The following SDK1 variants were observed in gnomAD, a reference collection of about 807,000 sequenced individuals.
SDK1 encodes the protein sidekick cell adhesion molecule 1.
SDK1 carries 157 observed loss-of-function variants against 245.5 expected under a neutral mutation model. The observed-to-expected ratio is 0.64, with a 90% CI of 0.56 to 0.73. The LOEUF is 0.73. Among genes scored for constraint, SDK1 ranks in the 30% least tolerant of loss-of-function variants. The probability of loss-of-function intolerance (pLI) is 0.00; values close to 1 mark genes in which losing one functional copy is unlikely to be tolerated. For synonymous variants in SDK1, 1,647 were observed against 1,278.5 expected (o/e 1.29, Z -6.15); for missense variants, 3,583 against 3,002.3 (o/e 1.19, Z -4.52).
intron 13 of SDK1, among the ~76,000 whole-genome samples, chr7:3,975,625 T>C (rs1476201563): frequency 1.3e-5 from 2 of 152,214 alleles, no homozygotes; most frequent in Non-Finnish European, 2.9e-5. Flanking sequence ...CATGTGGAAA[T>C]GAGTGAACTC....
In SDK1 at chr7:3,462,651, T is replaced by C. The variant is rs376190105; in HGVS notation, c.299-156429T>C. Among the ~76,000 whole-genome samples, 25 of 152,284 alleles carry C rather than the reference T, an allele frequency of 1.6e-4. No individual in the cohort carries two copies. The South Asian group carries it at 5.0e-3, about 30-fold the overall frequency. ...CCTAGTCCAGCTGTACCATAAACTT[T>C]GATGCCTTATTCTTCTTGATGCCTC... On this transcript the variant is annotated intron_variant, in intron 1 of 44. Transcript: ENST00000404826.
intron 1 of SDK1, among the ~76,000 whole-genome samples, chr7:3,307,133 C>T (rs1779435988): frequency 1.3e-5 from 2 of 152,098 alleles, no homozygotes; most frequent in South Asian, 2.1e-4. Context: ...TACATTTAAC[C>T]CAAAGTAACC....
chr7:3,602,484 G>A (rs945964453), intron 1 of SDK1, among the ~76,000 whole-genome samples: 2 of 152,172 alleles, frequency 1.3e-5, no homozygotes, highest in Admixed American at 6.5e-5. Flanking sequence ...CTTTTGAGAC[G>A]TGTCTGTTCA....
rs181075445 is a variant in SDK1, at chr7:4,005,867, C to G, written c.2132-5099C>G. Among the ~76,000 whole-genome samples the G allele has an allele frequency of 2.9e-3, 439 of 152,148 alleles. 1 individual carries two copies. Among genetic ancestry groups the G allele is most frequent in the Non-Finnish European group, 5.2e-3 (351 of 68,004 alleles). ...GCCACGTGGCGAAATCCCGTCTCTA[C>G]AAAAAATACAAAAATTAGCCGGGCA... On this transcript the variant is annotated intron_variant, in intron 14 of 44. Coordinates refer to ENST00000404826, the MANE Select transcript of SDK1 (RefSeq NM_152744.4).
At chr7:4,006,628 C>T (rs570374207) in intron 14 of SDK1, among the ~76,000 whole-genome samples, 179 of 152,258 alleles carry the variant, frequency 1.2e-3, no homozygotes, top group African/African-American at 4.0e-3. Context: ...TCAGGGTGCC[C>T]AGAGATGGAT....
chr7:3,341,262 GCATC>G (rs1280466099), intron 1 of SDK1, among the ~76,000 whole-genome samples: 3 of 152,110 alleles, frequency 2.0e-5, no homozygotes, highest in Non-Finnish European at 4.4e-5. Context: ...AGAAAAATCA[GCATC>G]TATCAGTTGA....
intron 4 of SDK1, among the ~76,000 whole-genome samples, chr7:3,782,276 C>T (rs2115013446): frequency 6.6e-6 from 1 of 152,304 alleles, no homozygotes; most frequent in Admixed American, 6.5e-5. Flanking sequence ...GGGAAAAGGT[C>T]TCCAACTCCT....
intron 44 of SDK1, 130 bp downstream of exon 44, chr7:4,245,935 G>C (rs770161994): frequency 1.8e-4 from 209 of 1,138,436 alleles, no homozygotes; most frequent in Non-Finnish European, 2.4e-4. Context: ...CAAGGACAAA[G>C]GGCTTCATTA....
chr7:3,915,317 T>C (rs1201732152), intron 5 of SDK1, among the ~76,000 whole-genome samples: 1 of 152,140 alleles, frequency 6.6e-6, no homozygotes, highest in Non-Finnish European at 1.5e-5. Flanking sequence ...TGTACCCTGA[T>C]GTGGTTTGGC....
At chr7:4,091,610 A>G (rs761451412) in intron 22 of SDK1, among the ~76,000 whole-genome samples, 1 of 152,022 alleles carries the variant, frequency 6.6e-6, no homozygotes, top group African/African-American at 2.4e-5. Context: ...CCAAAGTGCT[A>G]GGATTACAGG....
chr7:3,550,609 G>A (rs1416835643), intron 1 of SDK1, among the ~76,000 whole-genome samples: 1 of 152,130 alleles, frequency 6.6e-6, no homozygotes, highest in Non-Finnish European at 1.5e-5. Context: ...TGAACTTTTA[G>A]AGCATGTAGA....
chr7:3,532,951 C>A (rs1783398959), intron 1 of SDK1, among the ~76,000 whole-genome samples: 1 of 152,084 alleles, frequency 6.6e-6, no homozygotes, highest in Admixed American at 6.5e-5. Flanking sequence ...AAAAAAGTAG[C>A]AAAAACATGG....
At chr7:3,702,520 C>T (rs761706959) in intron 4 of SDK1, among the ~76,000 whole-genome samples, 1 of 152,184 alleles carries the variant, frequency 6.6e-6, no homozygotes, top group Non-Finnish European at 1.5e-5. Context: ...GCATTCACCA[C>T]TCTCACCTGC....
chr7:3,877,501 A>T (rs781150630), intron 5 of SDK1, among the ~76,000 whole-genome samples: 7 of 152,156 alleles, frequency 4.6e-5, no homozygotes, highest in Non-Finnish European at 1.0e-4. Flanking sequence ...TAGTTAATTG[A>T]TTGGAGATAT....
At chr7:4,018,799 A>G (rs888809808) in intron 17 of SDK1, among the ~76,000 whole-genome samples, 32 of 152,318 alleles carry the variant, frequency 2.1e-4, no homozygotes, top group African/African-American at 7.7e-4. Flanking sequence ...TGTGAGTGAC[A>G]TGAGCAAAAT....
chr7:3,743,657 C>T (rs1385305525), intron 4 of SDK1, among the ~76,000 whole-genome samples: 1 of 152,102 alleles, frequency 6.6e-6, no homozygotes, highest in Non-Finnish European at 1.5e-5. Flanking sequence ...TTGCTATGTG[C>T]CAGAAACTGC....
rs190906525 is a variant in SDK1, at chr7:3,331,290, C to T, written c.298+29406C>T. ...AAAAAGAAAACAAAAAACAAAACAC[C>T]CAGTCTATGGTGTTCTGTTACAGCA... On this transcript the variant is annotated intron_variant, in intron 1 of 44. Transcript: ENST00000404826. Among the ~76,000 whole-genome samples the T allele has an allele frequency of 7.0e-4, 106 of 152,098 alleles. 1 individual carries two copies. Among genetic ancestry groups the T allele is most frequent in the African/African-American group, 2.5e-3 (104 of 41,500 alleles).
At chr7:4,261,898 G>A (rs1022336232) in intron 44 of SDK1, among the ~76,000 whole-genome samples, 2 of 151,642 alleles carry the variant, frequency 1.3e-5, no homozygotes, top group African/African-American at 2.4e-5. Flanking sequence ...CTGTTAGGAC[G>A]CACAGGTGAG....
rs377320575 is a variant in SDK1 at position 3,325,717 on chromosome 7, C to T, written c.298+23833C>T. ...TAGCCTTATATCTGTTACAAAAGTA[C>T]CAGAAAAATTGCTGGATAATGTGTT... On this transcript the variant is annotated intron_variant, in intron 1 of 44. Coordinates refer to ENST00000404826, the MANE Select transcript of SDK1 (RefSeq NM_152744.4). Among the ~76,000 whole-genome samples, 92 of 152,172 alleles carry T rather than the reference C, an allele frequency of 6.0e-4. 2 individuals are homozygous for T. In the South Asian group the frequency reaches 0.019, roughly 31 times the overall value.
Sources: gnomAD v4.1 joint callset for allele counts (sites outside exome capture counted in the v4.1 genomes callset) on GRCh38, gnomAD v4.1.1 for gene constraint, MANE v1.5 for transcripts, NCBI Gene and HGNC (gene_info 2026-07-23, HGNC 2026-07-21) for gene names.